Variants in C8orf34 observed in about 807,000 individuals in gnomAD.
The protein encoded by C8orf34 is chromosome 8 open reading frame 34, also known as uncharacterized protein C8orf34.
In C8orf34, 65 loss-of-function variants were observed where a neutral mutation model predicts 68.3. The observed-to-expected ratio is 0.95, with a 90% confidence interval of 0.78 to 1.17. C8orf34 has a LOEUF of 1.17. C8orf34 is among the 50% of genes most tolerant of loss of function. The pLI is 0.00. For missense variants in C8orf34, 664 were observed against 655.4 expected, an observed-to-expected ratio of 1.01 and a Z score of -0.14; for synonymous variants, 244 against 241.2, an observed-to-expected ratio of 1.01 and a Z score of -0.11.
intron 8 of C8orf34, among the ~76,000 whole-genome samples, chr8:68,654,738 C>T (rs1483443059): frequency 6.6e-6 from 1 of 152,072 alleles, no homozygotes; most frequent in Non-Finnish European, 1.5e-5. Context: ...TACATGATTT[C>T]TACATTTTAA....
chr8:68,399,446 G>T (rs2129621191), intron 1 of C8orf34, among the ~76,000 whole-genome samples: 1 of 152,208 alleles, frequency 6.6e-6, no homozygotes, highest in African/African-American at 2.4e-5. Flanking sequence ...TTTCACTGAA[G>T]ATAATGGCCC....
chr8:68,370,985 G>A (rs1807534983), intron 1 of C8orf34, among the ~76,000 whole-genome samples: 1 of 152,102 alleles, frequency 6.6e-6, no homozygotes, highest in Non-Finnish European at 1.5e-5. Flanking sequence ...AAAAAGTGGT[G>A]GCTGGGGGTG....
intron 5 of C8orf34, among the ~76,000 whole-genome samples, chr8:68,501,573 C>T (rs1813773193): frequency 6.6e-6 from 1 of 152,122 alleles, no homozygotes; most frequent in Non-Finnish European, 1.5e-5. Context: ...AGAGGTGAGT[C>T]CCCAGTTGCA....
At chr8:68,787,600 A>T in intron 12 of C8orf34, 64 bp downstream of exon 12, 1 of 1,183,920 alleles carries the variant, frequency 8.4e-7, no homozygotes, top group Non-Finnish European at 1.2e-6. Context: ...CAATAAAGCT[A>T]TTTCACTTTC....
chr8:68,743,740 C>T (rs548063620), intron 10 of C8orf34, among the ~76,000 whole-genome samples: 40 of 152,242 alleles, frequency 2.6e-4, no homozygotes, highest in Non-Finnish European at 3.8e-4. Flanking sequence ...CCTACGCCCA[C>T]GGAGTCTCGC....
chr8:68,692,946 T>C (rs1243473938), intron 8 of C8orf34, among the ~76,000 whole-genome samples: 1 of 152,104 alleles, frequency 6.6e-6, no homozygotes. Flanking sequence ...AGCTAACTAA[T>C]TGAGCCAGAC....
intron 10 of C8orf34, among the ~76,000 whole-genome samples, chr8:68,726,049 C>T (rs1821820658): frequency 6.6e-6 from 1 of 152,098 alleles, no homozygotes; most frequent in African/African-American, 2.4e-5. Context: ...TCTGGGATTA[C>T]AGGCGCACGC....
chr8:68,571,740 T>C (rs1816764918), intron 7 of C8orf34, among the ~76,000 whole-genome samples: 2 of 152,196 alleles, frequency 1.3e-5, no homozygotes. Flanking sequence ...ATGCCAAAGA[T>C]AAATAGGAGT....
intron 7 of C8orf34, among the ~76,000 whole-genome samples, chr8:68,606,078 G>A (rs1817845335): frequency 6.6e-6 from 1 of 152,024 alleles, no homozygotes; most frequent in Non-Finnish European, 1.5e-5. Flanking sequence ...TGAAGTCAGG[G>A]ATAAAGCAAA....
intron 10 of C8orf34, among the ~76,000 whole-genome samples, chr8:68,732,596 A>G (rs556904199): frequency 7.2e-5 from 11 of 152,120 alleles, no homozygotes; most frequent in Non-Finnish European, 1.5e-4. Flanking sequence ...TAGCTTTTTT[A>G]TTACAGAGAA....
At chr8:68,701,839 G>T (rs184386114) in intron 8 of C8orf34, among the ~76,000 whole-genome samples, 1 of 151,878 alleles carries the variant, frequency 6.6e-6, no homozygotes, top group African/African-American at 2.4e-5. Context: ...AAGCCACTCC[G>T]GTCATTGGCC....
At chr8:68,677,139 C>A (rs1202289585) in intron 8 of C8orf34, among the ~76,000 whole-genome samples, 1 of 152,112 alleles carries the variant, frequency 6.6e-6, no homozygotes, top group South Asian at 2.1e-4. Context: ...GGAACCTATA[C>A]AAACACATGA....
Position 68,560,225 on chromosome 8 carries a change from G to A in C8orf34, c.1105+27076G>A, listed in dbSNP as rs565753245. Among the ~76,000 whole-genome samples, 74 of 152,054 alleles carry A rather than the reference G, an allele frequency of 4.9e-4. 2 individuals carry two copies. In the South Asian group the frequency reaches 0.013, roughly 27 times the overall value. ...GAGAGCATTATGCACCTACAGAGGT[G>A]CCGAGAGACAGTTCACACACATGCA... On this transcript the variant is annotated intron_variant, in intron 7 of 13. Transcript: ENST00000518698.
chr8:68,611,652 T>G (rs965484625), intron 7 of C8orf34, among the ~76,000 whole-genome samples: 1 of 152,194 alleles, frequency 6.6e-6, no homozygotes, highest in Non-Finnish European at 1.5e-5. Context: ...GCTTTTATTT[T>G]GTAGTGATAT....
intron 6 of C8orf34, 100 bp from the exon 7 acceptor site, chr8:68,532,883 A>G (rs966755883): frequency 5.0e-6 from 4 of 796,170 alleles, no homozygotes; most frequent in Non-Finnish European, 5.9e-6. Context: ...AAACTTTAGT[A>G]ACATGTCCAC....
At chr8:68,683,268 C>T (rs557882754) in intron 8 of C8orf34, among the ~76,000 whole-genome samples, 1 of 151,788 alleles carries the variant, frequency 6.6e-6, no homozygotes. Flanking sequence ...ATGATTCTAA[C>T]AAAATTATGG....
chr8:68,548,546 C>G (rs1018917145), intron 7 of C8orf34, among the ~76,000 whole-genome samples: 1 of 151,656 alleles, frequency 6.6e-6, no homozygotes, highest in Non-Finnish European at 1.5e-5. Context: ...TTGCTAAGTA[C>G]GTGGAGCAGC....
chr8:68,677,562 G>T (rs1314441544), intron 8 of C8orf34, among the ~76,000 whole-genome samples: 1 of 151,326 alleles, frequency 6.6e-6, no homozygotes, highest in Non-Finnish European at 1.5e-5. Flanking sequence ...TCATCATTTT[G>T]CCTAGGCTGG....
chr8:68,744,924 C>G (rs916841348), intron 10 of C8orf34, among the ~76,000 whole-genome samples: 3 of 152,068 alleles, frequency 2.0e-5, no homozygotes, highest in Admixed American at 6.6e-5. Context: ...CTCCAAGACA[C>G]ATAATTGTCA....
Sources: gnomAD v4.1 joint callset for allele counts (sites outside exome capture counted in the v4.1 genomes callset) on GRCh38, gnomAD v4.1.1 for gene constraint, MANE v1.5 for transcripts, NCBI Gene and HGNC (gene_info 2026-07-23, HGNC 2026-07-21) for gene names.